The following COL27A1 variants were observed in gnomAD, a reference collection of about 807,000 sequenced individuals.
The protein encoded by COL27A1 is collagen alpha-1(XXVII) chain.
Under a neutral mutation model 251.3 loss-of-function variants are expected in COL27A1, and 106 were observed. The ratio of observed to expected loss-of-function variants is 0.42; its 90% confidence interval spans 0.36 to 0.50. The LOEUF (loss-of-function observed/expected upper bound fraction) is 0.50. COL27A1 is among the 20% of genes least tolerant of loss of function. The pLI is 0.00. For missense variants in COL27A1, 2,325 were observed against 2,522.8 expected (o/e 0.92, Z 1.68); for synonymous variants, 1,000 against 986.3 (o/e 1.01, Z -0.26).
chr9:114,231,687 C>T, intron 15 of COL27A1, 135 bp from the exon 16 acceptor site: 2 of 847,916 alleles, frequency 2.4e-6, no homozygotes, highest in South Asian at 1.5e-5. Context: ...GAGTCATTTG[C>T]CCCCTTTTAC....
Position 114,219,810 on chromosome 9 carries a change from G to A in COL27A1, c.2387G>A (p.Gly796Glu). The A allele has an allele frequency of 1.2e-6, 2 of 1,611,560 alleles. No individual in the cohort carries two copies. The highest frequency in any genetic ancestry group is 1.7e-6 in the Non-Finnish European group (2 of 1,177,786). The change falls in exon 13 of 61, where the codon GGG becomes GAG. Residue 796 changes from glycine to glutamate, a missense_variant. Around this residue, in one of 4 missense-constraint regions of COL27A1, gnomAD observed 1,183 missense variants for 1,144.1 expected, o/e 1.03. Transcript: ENST00000356083. ...CTCCAGGGGTTTCCTGGAGTCTTTG[G>A]GGAAAGAGGCCCTCCTGGACTGGAT... ...MGMPGFPGVF[G>E]ERGPPGLDGN...
rs1437208881 is a variant in COL27A1 at position 114,288,660 on chromosome 9, G to A, written c.4045-42G>A. On this transcript the variant is annotated intron_variant, in intron 42 of 60. Transcript: ENST00000356083. Reference sequence around the variant, plus strand: ...ACAGGGCCCAGGGCTGGCATCCTTGGCACCTGGTGGCCCAAATTTTGCTGT... The same window carrying A: ...ACAGGGCCCAGGGCTGGCATCCTTGACACCTGGTGGCCCAAATTTTGCTGT... The A allele has an allele frequency of 9.4e-6, 15 of 1,595,310 alleles. No individual in the cohort carries two copies. In the East Asian group the frequency reaches 3.2e-4, roughly 34 times the overall value.
At chr9:114,186,463 A>G (rs1000586878) in intron 5 of COL27A1, among the ~76,000 whole-genome samples, 2 of 152,182 alleles carry the variant, frequency 1.3e-5, no homozygotes, top group African/African-American at 4.8e-5. Flanking sequence ...CATATTGACA[A>G]ATGCAGACTT....
At chr9:114,201,185 G>A (rs901421186) in intron 7 of COL27A1, among the ~76,000 whole-genome samples, 3 of 152,174 alleles carry the variant, frequency 2.0e-5, no homozygotes, top group African/African-American at 4.8e-5. Context: ...GCAGCCAGAG[G>A]CCCCTTGCAG....
chr9:114,173,465 G>T (rs966706004), intron 3 of COL27A1, among the ~76,000 whole-genome samples: 1 of 148,776 alleles, frequency 6.7e-6, no homozygotes, highest in Non-Finnish European at 1.5e-5. Context: ...AGGCCATGTG[G>T]ACTGCAAAAG....
intron 11 of COL27A1, among the ~76,000 whole-genome samples, chr9:114,210,312 A>T (rs1830259500): frequency 2.6e-5 from 4 of 152,228 alleles, no homozygotes; most frequent in Admixed American, 2.6e-4. Context: ...AGAGCCAAAG[A>T]TATTCACTAT....
At chr9:114,173,899 A>T (rs1453836940) in intron 3 of COL27A1, among the ~76,000 whole-genome samples, 1 of 151,958 alleles carries the variant, frequency 6.6e-6, no homozygotes, top group Admixed American at 6.6e-5. Context: ...TCGGTGGAGC[A>T]GGGACAGCAG....
chr9:114,264,105 T>A (rs1834549865), intron 28 of COL27A1, among the ~76,000 whole-genome samples: 1 of 152,224 alleles, frequency 6.6e-6, no homozygotes. Context: ...GGGCCATTAG[T>A]GCCCCAGCCC....
intron 24 of COL27A1, among the ~76,000 whole-genome samples, chr9:114,248,401 T>C (rs1470602546): frequency 1.3e-5 from 2 of 152,196 alleles, no homozygotes; most frequent in Non-Finnish European, 2.9e-5. Flanking sequence ...GGAAGAAAAC[T>C]TCCGGTAGCA....
intron 12 of COL27A1, among the ~76,000 whole-genome samples, chr9:114,213,884 T>C (rs531058064): frequency 6.6e-6 from 1 of 152,340 alleles, no homozygotes; most frequent in Non-Finnish European, 1.5e-5. Context: ...GACTAGGCTC[T>C]GATCTTCATG....
rs757638843 is a variant in COL27A1, at chr9:114,168,490, T to G, written c.935T>G (p.Met312Arg). 6.2e-7 allele frequency: 1 copy of G among 1,613,830 alleles called. No homozygotes were observed. Among genetic ancestry groups the G allele is most frequent in the South Asian group, 1.1e-5 (1 of 91,080 alleles). The part of the protein sequence containing the change: ...RTSPTNPHQH[M>R]AVGGPAQTPL... ...AGCCCCACAAACCCTCACCAGCATATGGCGGTGGGAGGCCCAGCCCAAACC... is the reference window on the plus strand; with the variant it reads ...AGCCCCACAAACCCTCACCAGCATAGGGCGGTGGGAGGCCCAGCCCAAACC... The change falls in exon 3 of 61, where the codon ATG (methionine) becomes AGG (arginine). Residue 312 changes from methionine (M) to arginine (R), a missense_variant. Coordinates refer to ENST00000356083, the MANE Select transcript of COL27A1 (RefSeq NM_032888.4).
chr9:114,282,211 G>A (rs1835954130), intron 37 of COL27A1, 66 bp from the exon 38 acceptor site: 3 of 1,475,084 alleles, frequency 2.0e-6, no homozygotes, highest in Non-Finnish European at 1.9e-6. Context: ...TGACCGCCTT[G>A]CGGATCCGCC....
At chr9:114,177,292 G>C (rs992982030) in intron 3 of COL27A1, among the ~76,000 whole-genome samples, 1 of 152,226 alleles carries the variant, frequency 6.6e-6, no homozygotes, top group Non-Finnish European at 1.5e-5. Flanking sequence ...AAAGAGAAAA[G>C]AGATGAGGAC....
At chr9:114,183,499 G>A (rs1828099666) in intron 5 of COL27A1, among the ~76,000 whole-genome samples, 1 of 152,174 alleles carries the variant, frequency 6.6e-6, no homozygotes, top group South Asian at 2.1e-4. Context: ...CCAGAGCCAA[G>A]GCCGGGAGAC....
intron 10 of COL27A1, 148 bp from the exon 11 acceptor site, chr9:114,209,527 A>G (rs1441017375): frequency 1.0e-5 from 8 of 800,988 alleles, no homozygotes; most frequent in Non-Finnish European, 2.3e-6. Flanking sequence ...GGCCTATGTC[A>G]TCGAGGAGCC....
intron 5 of COL27A1, among the ~76,000 whole-genome samples, chr9:114,193,827 G>A (rs1328779090): frequency 6.6e-6 from 1 of 152,082 alleles, no homozygotes; most frequent in Non-Finnish European, 1.5e-5. Context: ...AAACCCCTGA[G>A]AGCCCCAGGG....
At chr9:114,308,877 G>A (rs932837913) in intron 59 of COL27A1, among the ~76,000 whole-genome samples, 3 of 152,156 alleles carry the variant, frequency 2.0e-5, no homozygotes, top group Non-Finnish European at 2.9e-5. Flanking sequence ...GAAGGGTCTC[G>A]AAAACACCTC....
intron 12 of COL27A1, among the ~76,000 whole-genome samples, chr9:114,214,117 C>T (rs983124820): frequency 3.3e-5 from 5 of 152,164 alleles, no homozygotes; most frequent in African/African-American, 1.2e-4. Flanking sequence ...TCTCTGTCTC[C>T]GCTGGGCCTC....
chr9:114,180,804 G>A (rs951490359), intron 4 of COL27A1, among the ~76,000 whole-genome samples: 2 of 152,118 alleles, frequency 1.3e-5, no homozygotes, highest in Non-Finnish European at 2.9e-5. Context: ...TATGTGCCTC[G>A]TTTCTCTGCA....
Sources: gnomAD v4.1 joint callset for allele counts (sites outside exome capture counted in the v4.1 genomes callset) on GRCh38, gnomAD v4.1.1 for gene constraint, gnomAD v4.1.1 regional missense constraint, MANE v1.5 for transcripts, NCBI Gene and HGNC (gene_info 2026-07-23, HGNC 2026-07-21) for gene names.